COPB2: variants seen among roughly 807,000 people sequenced by gnomAD.
COPB2 encodes coatomer subunit beta'.
A neutral mutation model predicts 120.8 loss-of-function variants in COPB2; 16 were observed. The ratio of observed to expected loss-of-function variants is 0.13; its 90% confidence interval spans 0.09 to 0.20. COPB2 has a LOEUF of 0.20. Among genes scored for constraint, COPB2 ranks in the 10% least tolerant of loss-of-function variants. The pLI, the probability that COPB2 is intolerant of heterozygous loss-of-function variation, is 1.00. For missense variants in COPB2, 794 were observed against 1,076.5 expected, an observed-to-expected ratio of 0.74 and a Z score of 3.67; for synonymous variants, 332 against 366.3, an observed-to-expected ratio of 0.91 and a Z score of 1.07.
Position 139,369,436 on chromosome 3 carries a change from C to G in COPB2, c.1294+20G>C, listed in dbSNP as rs199910034. On this transcript the variant is annotated intron_variant, in intron 11 of 21. Coordinates refer to ENST00000333188, the MANE Select transcript of COPB2 (RefSeq NM_004766.3). ...CATTACAAAGAATTTAAAAATGTAT[C>G]ATATGTAGATCACACTCACTTTCTG... is the stretch of plus-strand genomic sequence containing the variant. The G allele has an allele frequency of 6.2e-7, 1 of 1,605,688 alleles. No individual in the cohort carries two copies. Among genetic ancestry groups the G allele is most frequent in the East Asian group, 2.2e-5 (1 of 44,814 alleles).
At chr3:139,369,419 A>G in intron 11 of COPB2, 37 bp downstream of exon 11, 1 of 1,605,988 alleles carries the variant, frequency 6.2e-7, no homozygotes, top group Non-Finnish European at 8.5e-7. Flanking sequence ...GCCATTACAA[A>G]GAATTTAAAA....
chr3:139,372,885 T>A (rs1346851201), intron 9 of COPB2, among the ~76,000 whole-genome samples: 3 of 152,190 alleles, frequency 2.0e-5, no homozygotes, highest in African/African-American at 4.8e-5. Context: ...GGGCACCTAC[T>A]AAGTCTCAGC....
intron 20 of COPB2, 107 bp from the exon 21 acceptor site, chr3:139,358,378 T>C (rs1156281225): frequency 9.9e-6 from 10 of 1,010,096 alleles, no homozygotes; most frequent in African/African-American, 3.2e-5. Context: ...GGAGATGATG[T>C]TTAAAAGTGA....
chr3:139,379,198 T>G (rs1439771016), intron 3 of COPB2, 25 bp from the exon 4 acceptor site: 1 of 1,580,528 alleles, frequency 6.3e-7, no homozygotes, highest in Admixed American at 1.9e-5. Flanking sequence ...TTTAAAACCA[T>G]CATCCCTGTT....
At chr3:139,364,716 T>C (rs75805131) in intron 15 of COPB2, among the ~76,000 whole-genome samples, 2,425 of 152,308 alleles carry the variant, frequency 0.016, 72 homozygotes, top group African/African-American at 0.053. Flanking sequence ...GATACTGACA[T>C]TGAGACTCCC....
chr3:139,362,571 GTT>G, intron 15 of COPB2, 54 bp from the exon 16 acceptor site: 4 of 1,033,646 alleles, frequency 3.9e-6, no homozygotes, highest in Middle Eastern at 2.9e-4. Context: ...ATGTATGTAT[GTT>G]TTATATATAT....
At chr3:139,363,124 G>C (rs1175216193) in intron 15 of COPB2, among the ~76,000 whole-genome samples, 2 of 152,138 alleles carry the variant, frequency 1.3e-5, no homozygotes, top group African/African-American at 4.8e-5. Context: ...CTTTATTGTT[G>C]GTCTCAAGTC....
chr3:139,380,452 C>T (rs965494950), intron 2 of COPB2: 6 of 152,206 alleles, frequency 3.9e-5, no homozygotes, highest in South Asian at 2.1e-4. Flanking sequence ...TATGTTCCTC[C>T]GAGCTGCTCA....
rs564334432 is a variant in COPB2, at chr3:139,389,426, G to T, written c.3+122C>A. The T allele has an allele frequency of 2.2e-6, 3 of 1,347,898 alleles. No homozygotes were observed. The East Asian group carries it at 8.6e-5, about 39-fold the overall frequency. 83.5% of individuals were successfully genotyped at this position (1,347,898 alleles called of 1,614,324 possible). A position where few individuals can be genotyped will look rare whatever the true frequency, so the allele number is the denominator to read the frequency against. ...AATCAAACGACCAAGACCCCGCAAG[G>T]CCTGAGGCGGCGGCCGCAGCGGGAG... On this transcript the variant is annotated intron_variant, in intron 1 of 21. Transcript: ENST00000333188.
chr3:139,388,707 C>T (rs951646625), intron 1 of COPB2, among the ~76,000 whole-genome samples: 18 of 149,940 alleles, frequency 1.2e-4, no homozygotes, highest in Non-Finnish European at 2.4e-4. Context: ...CTCACTGCAG[C>T]CTCTGCCTCC....
chr3:139,379,515 A>C (rs9831108), intron 2 of COPB2, 49 bp from the exon 3 acceptor site: 403,216 of 1,431,976 alleles, frequency 0.28, 68,648 homozygotes, highest in East Asian at 0.86. Flanking sequence ...GAAAATAACC[A>C]CAAAATCTAC....
chr3:139,359,214 G>A (rs745575800), intron 18 of COPB2, 36 bp from the exon 19 acceptor site: 8 of 1,610,620 alleles, frequency 5.0e-6, no homozygotes, highest in Non-Finnish European at 6.8e-6. Context: ...GAGAGACTAA[G>A]TAAATGTGCT....
intron 20 of COPB2, 114 bp from the exon 21 acceptor site, chr3:139,358,385 G>T: frequency 1.0e-6 from 1 of 955,122 alleles, no homozygotes; most frequent in Non-Finnish European, 1.6e-6. Context: ...ATGTTTAAAA[G>T]TGAACCATCT....
At chr3:139,358,173 G>A (rs774421310) in intron 21 of COPB2, 27 bp downstream of exon 21, 1 of 1,594,856 alleles carries the variant, frequency 6.3e-7, no homozygotes, top group Non-Finnish European at 8.6e-7. Flanking sequence ...GGGGTAGAGG[G>A]AGGTTTGAGT....
At position 139,369,354 on chromosome 3, in the gene COPB2, G is replaced by A; in HGVS notation, c.1308C>T (p.Gly436=). 1 of 1,613,460 alleles carries A rather than the reference G, an allele frequency of 6.2e-7. No homozygotes were observed. The highest frequency in any genetic ancestry group is 1.1e-5 in the South Asian group (1 of 91,000). ...TTACAGATCTGACTCCCAATAAGAA[G>A]CCGCCGTAGATACCTAAAGGGAACA... ...PDFGAESIYG[G]FLLGVRSVNG... is the part of the protein sequence containing the mutation. The change falls in exon 12 of 22, where the codon GGC becomes GGT. Residue 436 remains glycine (G), a synonymous_variant. Transcript: ENST00000333188.
intron 17 of COPB2, 144 bp downstream of exon 17, chr3:139,360,937 A>T (rs951067248): frequency 6.2e-5 from 50 of 812,238 alleles, no homozygotes; most frequent in Non-Finnish European, 9.2e-5. Flanking sequence ...AGTGCCACCA[A>T]GGCAGCACTG....
intron 16 of COPB2, 115 bp from the exon 17 acceptor site, chr3:139,361,410 T>C (rs944757946): frequency 9.6e-7 from 1 of 1,037,864 alleles, no homozygotes; most frequent in Non-Finnish European, 1.4e-6. Flanking sequence ...GTTTGTTAAG[T>C]TGGCTCTATC....
chr3:139,362,035 C>G (rs1357734321), intron 16 of COPB2, among the ~76,000 whole-genome samples: 1 of 152,168 alleles, frequency 6.6e-6, no homozygotes, highest in Admixed American at 6.5e-5. Context: ...TCTTTCAAAA[C>G]CAACATATTT....
intron 12 of COPB2, among the ~76,000 whole-genome samples, chr3:139,368,682 A>T (rs1278527181): frequency 2.0e-5 from 3 of 152,194 alleles, no homozygotes; most frequent in African/African-American, 7.2e-5. Flanking sequence ...CCACAGATAT[A>T]CATATATAAT....
Sources: gnomAD v4.1 joint callset for allele counts (sites outside exome capture counted in the v4.1 genomes callset) on GRCh38, gnomAD v4.1.1 for gene constraint, MANE v1.5 for transcripts, NCBI Gene and HGNC (gene_info 2026-07-23, HGNC 2026-07-21) for gene names.